DACH2: variants seen among roughly 807,000 people sequenced by gnomAD.
DACH2 encodes the protein dachshund homolog 2.
Under a neutral mutation model 35.8 loss-of-function variants are expected in DACH2, and 17 were observed. The ratio of observed to expected loss-of-function variants is 0.48; its 90% confidence interval spans 0.33 to 0.71. DACH2 has a LOEUF of 0.71. Ranked by LOEUF, DACH2 falls within the 30% of genes least tolerant of loss-of-function variation. DACH2 has a pLI of 0.02. For synonymous variants in DACH2, 195 were observed against 177.3 expected (o/e 1.10, Z -0.79); for missense variants, 469 against 472.7 (o/e 0.99, Z 0.07).
At chrX:86,409,127 C>A (rs183594575) in intron 2 of DACH2, among the ~76,000 whole-genome samples, 5 of 111,268 alleles carry the variant, frequency 4.5e-5, no homozygotes, top group Non-Finnish European at 9.4e-5. Context: ...TTAATCATCA[C>A]TCTTTTTTTC....
At chrX:86,224,780 A>T (rs1309535878) in intron 1 of DACH2, among the ~76,000 whole-genome samples, 4 of 111,675 alleles carry the variant, frequency 3.6e-5, no homozygotes, top group African/African-American at 1.3e-4. Context: ...AGGAAAATGC[A>T]TGATCATCAA....
At chrX:86,727,972 G>C (rs748613527) in intron 6 of DACH2, among the ~76,000 whole-genome samples, 1 of 112,115 alleles carries the variant, frequency 8.9e-6, no homozygotes, top group African/African-American at 3.2e-5. Flanking sequence ...ACTGGGTAAT[G>C]GGCAGAGGTT....
chrX:86,642,106 C>A (rs773105597), intron 3 of DACH2, among the ~76,000 whole-genome samples: 1 of 111,643 alleles, frequency 9.0e-6, no homozygotes, highest in African/African-American at 3.3e-5. Flanking sequence ...CCACACATAT[C>A]AATACTAACC....
At chrX:86,216,847 C>T (rs1221164428) in intron 1 of DACH2, among the ~76,000 whole-genome samples, 5 of 111,568 alleles carry the variant, frequency 4.5e-5, no homozygotes, top group Non-Finnish European at 7.5e-5. Flanking sequence ...GTAATCCCAG[C>T]ACTTTGGGAA....
At chrX:86,713,497 G>A (rs569513301) in intron 5 of DACH2, among the ~76,000 whole-genome samples, 1 of 111,582 alleles carries the variant, frequency 9.0e-6, no homozygotes, top group African/African-American at 3.2e-5. Flanking sequence ...CATAAATGCT[G>A]TCCACCATAG....
chrX:86,536,289 G>A (rs1035199695), intron 3 of DACH2, among the ~76,000 whole-genome samples: 1 of 111,513 alleles, frequency 9.0e-6, no homozygotes, highest in African/African-American at 3.3e-5. Context: ...GCCCCTACTC[G>A]ACCCAGGAAG....
intron 11 of DACH2, among the ~76,000 whole-genome samples, chrX:86,827,378 C>A (rs919745062): frequency 9.0e-6 from 1 of 111,021 alleles, no homozygotes; most frequent in Non-Finnish European, 1.9e-5. Context: ...CATTTTGCTG[C>A]AGGTTGTAAA....
At chrX:86,161,182 T>A in intron 1 of DACH2, 1 of 1,167,224 alleles carries the variant, frequency 8.6e-7, no homozygotes, top group Non-Finnish European at 1.2e-6. Context: ...GGTGGCTCAG[T>A]GGAATCCATT....
intron 3 of DACH2, among the ~76,000 whole-genome samples, chrX:86,617,073 G>A (rs754507726): frequency 2.6e-4 from 29 of 111,484 alleles, no homozygotes; most frequent in African/African-American, 9.1e-4. Flanking sequence ...ATGGTTGAAG[G>A]TGTATGTCAT....
chrX:86,294,904 G>A (rs1446118898), intron 1 of DACH2, among the ~76,000 whole-genome samples: 1 of 110,750 alleles, frequency 9.0e-6, no homozygotes, highest in Non-Finnish European at 1.9e-5. Flanking sequence ...CAGAGGTGGA[G>A]CCTACAGAGG....
intron 1 of DACH2, among the ~76,000 whole-genome samples, chrX:86,320,900 G>A (rs959077837): frequency 2.7e-5 from 3 of 112,005 alleles, no homozygotes; most frequent in African/African-American, 9.7e-5. Flanking sequence ...CCAAGTGGGG[G>A]AGGGGGTGAG....
intron 3 of DACH2, among the ~76,000 whole-genome samples, chrX:86,608,126 C>T (rs1425906766): frequency 1.8e-5 from 2 of 110,906 alleles, no homozygotes; most frequent in African/African-American, 6.6e-5. Flanking sequence ...GGACACTTCT[C>T]AAAAGAAGAC....
rs1419051688 is a variant in DACH2, at chrX:86,331,382, G to A, written c.489-45442G>A. ...GTCACTTGGATAACATTTCAGACAA[G>A]GGCTCATTTCTGAAATTTTGCTGCT... On this transcript the variant is annotated intron_variant, in intron 1 of 11. Coordinates refer to ENST00000373125, the MANE Select transcript of DACH2 (RefSeq NM_053281.3). 4.5e-5 allele frequency among the ~76,000 whole-genome samples: 5 copies of A among 110,707 alleles called. No individual in the cohort carries two copies. In the East Asian group the frequency reaches 8.6e-4, roughly 19 times the overall value.
At position 86,452,377 on chromosome X, in the gene DACH2, T is replaced by G. The variant is rs984654734; in HGVS notation, c.528-61902T>G. Among the ~76,000 whole-genome samples, 11 of 111,913 alleles carry G rather than the reference T, an allele frequency of 9.8e-5. No homozygotes were observed. The South Asian group carries it at 1.1e-3, about 11-fold the overall frequency. On this transcript the variant is annotated intron_variant, in intron 2 of 11. Transcript: ENST00000373125. The stretch of plus-strand genomic sequence containing the variant: ...GAGGAGTCCTTCGTTTTCAATTTTT[T>G]GGAATAGTTTCAGTAGAAATGGTGC...
intron 1 of DACH2, among the ~76,000 whole-genome samples, chrX:86,169,872 G>A (rs1406994942): frequency 9.0e-6 from 1 of 110,928 alleles, no homozygotes; most frequent in Non-Finnish European, 1.9e-5. Flanking sequence ...ATTTGGTGAA[G>A]TCATGTTTTC....
At chrX:86,150,372 A>G (rs1351271281) in intron 1 of DACH2, among the ~76,000 whole-genome samples, 1 of 112,602 alleles carries the variant, frequency 8.9e-6, no homozygotes, top group Non-Finnish European at 1.9e-5. Flanking sequence ...TCTGTGAACT[A>G]AAACTGTAAC....
At chrX:86,292,722 G>A (rs1405873849) in intron 1 of DACH2, among the ~76,000 whole-genome samples, 1 of 111,691 alleles carries the variant, frequency 9.0e-6, no homozygotes, top group Non-Finnish European at 1.9e-5. Context: ...CTGTTTCCAT[G>A]TAGTTGAGCG....
chrX:86,386,128 G>C (rs1332198831), intron 2 of DACH2, among the ~76,000 whole-genome samples: 1 of 110,924 alleles, frequency 9.0e-6, no homozygotes, highest in African/African-American at 3.3e-5. Flanking sequence ...TATTTAATCC[G>C]CGGGTCTCTT....
In DACH2 at chrX:86,292,944, G is replaced by A. The variant is rs1388543474; in HGVS notation, c.489-83880G>A. 3.3e-4 allele frequency among the ~76,000 whole-genome samples: 33 copies of A among 101,248 alleles called. 1 individual carries two copies. In the East Asian group the frequency reaches 4.1e-3, roughly 12 times the overall value. 87.9% of individuals were successfully genotyped at this position (101,248 alleles called of 115,157 possible). A position where few individuals can be genotyped will look rare whatever the true frequency, so the allele number is the denominator to read the frequency against. On this transcript the variant is annotated intron_variant, in intron 1 of 11. Coordinates refer to ENST00000373125, the MANE Select transcript of DACH2 (RefSeq NM_053281.3). Reference sequence around the variant, plus strand: ...AGTTCTGTAGATGTCTATTAGGTCCGCTTGGTGAAGAGCTGAGTTTAATTC... The same window carrying A: ...AGTTCTGTAGATGTCTATTAGGTCCACTTGGTGAAGAGCTGAGTTTAATTC...
Sources: gnomAD v4.1 joint callset for allele counts (sites outside exome capture counted in the v4.1 genomes callset) on GRCh38, gnomAD v4.1.1 for gene constraint, MANE v1.5 for transcripts, NCBI Gene and HGNC (gene_info 2026-07-23, HGNC 2026-07-21) for gene names.